The following TENM2 variants were observed in gnomAD, a reference collection of about 807,000 sequenced individuals.
TENM2 encodes teneurin-2.
In TENM2, 52 loss-of-function variants were observed where a neutral mutation model predicts 245.2. That is an observed-to-expected ratio of 0.21 (90% CI 0.17 to 0.27). The LOEUF is 0.27. TENM2 is among the 10% of genes least tolerant of loss of function. The pLI, the probability that TENM2 is intolerant of heterozygous loss-of-function variation, is 1.00. For missense variants in TENM2, 3,046 were observed against 3,666.8 expected (o/e 0.83, Z 4.37); for synonymous variants, 1,363 against 1,438.9 (o/e 0.95, Z 1.19).
chr5:167,270,490 C>G, the TENM2 span, among the ~76,000 whole-genome samples: 1 of 152,086 alleles, frequency 6.6e-6, no homozygotes, highest in Non-Finnish European at 1.5e-5. Flanking sequence ...GAAACTGAGG[C>G]CTATTTCCCT....
intron 1 of TENM2, among the ~76,000 whole-genome samples, chr5:167,343,442 C>A (rs2127820572): frequency 6.6e-6 from 1 of 152,264 alleles, no homozygotes; most frequent in Non-Finnish European, 1.5e-5. Context: ...GATATCTCTC[C>A]CATACAGTAT....
the TENM2 span, among the ~76,000 whole-genome samples, chr5:167,231,056 C>T: frequency 1.3e-5 from 2 of 152,160 alleles, no homozygotes; most frequent in African/African-American, 4.8e-5. Flanking sequence ...TGAAGAGGTG[C>T]CTTCTGCCAT....
the TENM2 span, among the ~76,000 whole-genome samples, chr5:167,033,057 A>G: frequency 6.6e-6 from 1 of 152,200 alleles, no homozygotes; most frequent in African/African-American, 2.4e-5. Flanking sequence ...AGTGAGAGAC[A>G]GAAGTTAAAA....
intron 2 of TENM2, among the ~76,000 whole-genome samples, chr5:167,792,169 A>C (rs1265202622): frequency 6.6e-6 from 1 of 152,266 alleles, no homozygotes; most frequent in South Asian, 2.1e-4. Flanking sequence ...CTCTAGGCAA[A>C]TAAATCTGCA....
chr5:167,630,257 A>G (rs1403676005), intron 2 of TENM2, among the ~76,000 whole-genome samples: 2 of 151,686 alleles, frequency 1.3e-5, no homozygotes, highest in East Asian at 1.9e-4. Flanking sequence ...TGGGGCCATT[A>G]TCAGGTAGAA....
chr5:167,424,397 C>G (rs1345026850), intron 2 of TENM2, among the ~76,000 whole-genome samples: 3 of 152,098 alleles, frequency 2.0e-5, no homozygotes, highest in Non-Finnish European at 1.5e-5. Context: ...CTTCAGAAAT[C>G]ATGTCATTCA....
the TENM2 span, among the ~76,000 whole-genome samples, chr5:167,163,773 T>C: frequency 6.6e-6 from 1 of 152,202 alleles, no homozygotes; most frequent in African/African-American, 2.4e-5. Flanking sequence ...AAGTCCCTTG[T>C]CTCTGGAGTA....
chr5:167,319,514 A>T (rs1756589007), intron 1 of TENM2, among the ~76,000 whole-genome samples: 2 of 152,186 alleles, frequency 1.3e-5, no homozygotes, highest in Admixed American at 1.3e-4. Context: ...AAGCCAACAA[A>T]TGATTTAGAA....
At chr5:167,924,682 A>T (rs1046308963) in intron 3 of TENM2, among the ~76,000 whole-genome samples, 2 of 152,202 alleles carry the variant, frequency 1.3e-5, no homozygotes, top group African/African-American at 4.8e-5. Flanking sequence ...AAGCGCCTGG[A>T]GAGCTTGAGA....
At chr5:167,411,656 G>A (rs1476053418) in intron 2 of TENM2, among the ~76,000 whole-genome samples, 1 of 150,020 alleles carries the variant, frequency 6.7e-6, no homozygotes, top group Non-Finnish European at 1.5e-5. Flanking sequence ...TTAAGACTTA[G>A]CTTAAAATAT....
At chr5:167,221,864 A>G in the TENM2 span, among the ~76,000 whole-genome samples, 2,549 of 152,282 alleles carry the variant, frequency 0.017, 62 homozygotes, top group African/African-American at 0.057. Context: ...TTAAAGACAG[A>G]TATATACAAC....
intron 3 of TENM2, among the ~76,000 whole-genome samples, chr5:167,907,259 A>ATAAC (rs1355752781): frequency 2.0e-5 from 3 of 151,342 alleles, no homozygotes; most frequent in East Asian, 3.9e-4. Context: ...AAATAAATAA[A>ATAAC]TAACATAAAA....
chr5:167,898,550 A>G (rs1459473129), intron 3 of TENM2, among the ~76,000 whole-genome samples: 1 of 152,230 alleles, frequency 6.6e-6, no homozygotes, highest in Non-Finnish European at 1.5e-5. Flanking sequence ...CAGTGTTTAA[A>G]AGCTGCCCAG....
intron 14 of TENM2, among the ~76,000 whole-genome samples, chr5:168,191,671 G>A (rs188926311): frequency 1.2e-4 from 18 of 152,198 alleles, no homozygotes; most frequent in Admixed American, 3.3e-4. Flanking sequence ...GGTAGGCCCA[G>A]GAGCAACTCT....
At chr5:167,172,540 C>T in the TENM2 span, among the ~76,000 whole-genome samples, 4 of 152,072 alleles carry the variant, frequency 2.6e-5, no homozygotes, top group Non-Finnish European at 5.9e-5. Flanking sequence ...GACTGCCTCT[C>T]AGATGGAATA....
chr5:167,814,326 G>C (rs1766868202), intron 2 of TENM2, among the ~76,000 whole-genome samples: 1 of 151,892 alleles, frequency 6.6e-6, no homozygotes, highest in Admixed American at 6.6e-5. Flanking sequence ...GCTCTTCTCT[G>C]AGTTTTCTAG....
the TENM2 span, among the ~76,000 whole-genome samples, chr5:167,056,636 T>C: frequency 6.8e-6 from 1 of 147,396 alleles, no homozygotes; most frequent in African/African-American, 2.5e-5. Context: ...AATATATATC[T>C]ATATAAATAT....
the TENM2 span, among the ~76,000 whole-genome samples, chr5:167,112,777 T>C: frequency 6.6e-6 from 1 of 152,230 alleles, no homozygotes; most frequent in Non-Finnish European, 1.5e-5. Flanking sequence ...CATGCTGCTC[T>C]TCTGAAATTC....
intron 2 of TENM2, among the ~76,000 whole-genome samples, chr5:167,392,854 A>G (rs1329749874): frequency 1.3e-5 from 2 of 152,162 alleles, no homozygotes; most frequent in African/African-American, 4.8e-5. Flanking sequence ...TGCTTAGAGT[A>G]TATTCATTAA....
Sources: allele counts gnomAD v4.1 joint callset (sites outside exome capture counted in the v4.1 genomes callset), GRCh38; gene constraint gnomAD v4.1.1; transcripts MANE v1.5; gene names NCBI Gene and HGNC (gene_info 2026-07-23, HGNC 2026-07-21).